The following CTNNA3 variants were observed in gnomAD, a reference collection of about 807,000 sequenced individuals.
CTNNA3 encodes catenin alpha-3.
CTNNA3 carries 76 observed loss-of-function variants against 95.7 expected under a neutral mutation model. The ratio of observed to expected loss-of-function variants is 0.79; its 90% confidence interval spans 0.66 to 0.96. The LOEUF is 0.96. Ranked by LOEUF, CTNNA3 falls within the 40% of genes least tolerant of loss-of-function variation. CTNNA3 has a pLI of 0.00. For synonymous variants in CTNNA3, 431 were observed against 374.4 expected, an observed-to-expected ratio of 1.15 and a Z score of -1.74; for missense variants, 1,191 against 1,089.8, an observed-to-expected ratio of 1.09 and a Z score of -1.31.
chr10:66,353,396 T>C (rs1335906282), intron 12 of CTNNA3, among the ~76,000 whole-genome samples: 1 of 152,134 alleles, frequency 6.6e-6, no homozygotes, highest in Non-Finnish European at 1.5e-5. Context: ...TTGTACATCT[T>C]TCTTAGCCTG....
chr10:66,308,615 T>C (rs2091962667), intron 12 of CTNNA3, among the ~76,000 whole-genome samples: 1 of 152,170 alleles, frequency 6.6e-6, no homozygotes, highest in Non-Finnish European at 1.5e-5. Flanking sequence ...TGGCTTCCAG[T>C]AGTACAAAAT....
chr10:67,037,255 T>C (rs2133131090), intron 7 of CTNNA3, among the ~76,000 whole-genome samples: 1 of 152,282 alleles, frequency 6.6e-6, no homozygotes, highest in South Asian at 2.1e-4. Flanking sequence ...AATGTTACTT[T>C]AGAGATATTT....
chr10:66,957,442 GCA>G (rs1848876831), intron 7 of CTNNA3, among the ~76,000 whole-genome samples: 4 of 106,306 alleles, frequency 3.8e-5, no homozygotes, highest in Non-Finnish European at 6.0e-5. Flanking sequence ...ATATATATAT[GCA>G]TATATATATA....
chr10:66,979,997 G>C (rs1850316706), intron 7 of CTNNA3, among the ~76,000 whole-genome samples: 1 of 152,180 alleles, frequency 6.6e-6, no homozygotes, highest in African/African-American at 2.4e-5. Flanking sequence ...CAAAAGAAGA[G>C]GAAGGAAAAC....
At chr10:67,173,597 C>A (rs1282930733) in intron 7 of CTNNA3, among the ~76,000 whole-genome samples, 1 of 152,178 alleles carries the variant, frequency 6.6e-6, no homozygotes, top group Non-Finnish European at 1.5e-5. Flanking sequence ...ACAACAATCA[C>A]TCTTCATTCT....
At chr10:66,648,780 A>C (rs952541123) in intron 9 of CTNNA3, among the ~76,000 whole-genome samples, 2 of 152,190 alleles carry the variant, frequency 1.3e-5, no homozygotes, top group Admixed American at 1.3e-4. Context: ...AGATGAGGAC[A>C]GAAGTTCTCC....
At chr10:67,399,092 G>T (rs1411366267) in intron 5 of CTNNA3, among the ~76,000 whole-genome samples, 1 of 152,086 alleles carries the variant, frequency 6.6e-6, no homozygotes, top group Admixed American at 6.6e-5. Flanking sequence ...AGGATGAGGA[G>T]GAGGAGAAAG....
At chr10:65,994,297 A>G (rs1166006901) in intron 15 of CTNNA3, among the ~76,000 whole-genome samples, 2 of 152,140 alleles carry the variant, frequency 1.3e-5, no homozygotes, top group Non-Finnish European at 2.9e-5. Context: ...AGATATAAGA[A>G]CCCTTTAAAG....
chr10:67,134,817 G>A (rs189681071), intron 7 of CTNNA3, among the ~76,000 whole-genome samples: 5 of 152,144 alleles, frequency 3.3e-5, no homozygotes, highest in Admixed American at 3.3e-4. Context: ...TTCAGGATAT[G>A]GGATATCCAG....
intron 13 of CTNNA3, among the ~76,000 whole-genome samples, chr10:66,249,045 T>C (rs2132063044): frequency 6.6e-6 from 1 of 152,204 alleles, no homozygotes; most frequent in South Asian, 2.1e-4. Context: ...GAATATACAC[T>C]GGGGAAAAGA....
chr10:67,280,839 C>T (rs1031806999), intron 5 of CTNNA3, among the ~76,000 whole-genome samples: 1 of 152,150 alleles, frequency 6.6e-6, no homozygotes, highest in Admixed American at 6.6e-5. Flanking sequence ...GGTATATAAG[C>T]TTCAACTGTC....
intron 1 of CTNNA3, among the ~76,000 whole-genome samples, chr10:67,680,116 TA>T (rs773989853): frequency 4.6e-4 from 70 of 152,170 alleles, no homozygotes; most frequent in Non-Finnish European, 2.9e-5. Flanking sequence ...TAAAAATATT[TA>T]ACAACCAGCA....
At chr10:66,030,408 T>A (rs2079427146) in intron 15 of CTNNA3, among the ~76,000 whole-genome samples, 1 of 152,012 alleles carries the variant, frequency 6.6e-6, no homozygotes. Flanking sequence ...AAGGTGAGCA[T>A]CTACAACCAT....
intron 6 of CTNNA3, among the ~76,000 whole-genome samples, chr10:67,206,951 T>G (rs1863929029): frequency 6.6e-6 from 1 of 151,970 alleles, no homozygotes; most frequent in Non-Finnish European, 1.5e-5. Flanking sequence ...GCCAACATGG[T>G]GAAACCCCGT....
intron 11 of CTNNA3, among the ~76,000 whole-genome samples, chr10:66,496,446 T>C (rs1317867076): frequency 6.6e-6 from 1 of 152,070 alleles, no homozygotes; most frequent in East Asian, 1.9e-4. Flanking sequence ...GAAGAAAAAA[T>C]ATAGAAATAT....
rs193208641 is a variant in CTNNA3, at chr10:66,199,646, G to A, written c.1884+80824C>T. Among the ~76,000 whole-genome samples the A allele has an allele frequency of 8.4e-4, 125 of 149,428 alleles. 2 individuals are homozygous for A. Among genetic ancestry groups the A allele is most frequent in the African/African-American group, 2.8e-3 (115 of 40,508 alleles). On this transcript the variant is annotated intron_variant, in intron 13 of 17. Transcript: ENST00000433211. ...AGGCGAAGTCTTGCTCTGCCGTCCC[G>A]GCTGGAGTGCAATGGGGTGATCTCG...
At chr10:67,230,132 CA>C (rs1173834336) in intron 5 of CTNNA3, among the ~76,000 whole-genome samples, 1 of 152,072 alleles carries the variant, frequency 6.6e-6, no homozygotes, top group Non-Finnish European at 1.5e-5. Flanking sequence ...GCACATAGAC[CA>C]ATGGAACAGA....
chr10:66,659,432 C>T (rs897640077), intron 9 of CTNNA3, among the ~76,000 whole-genome samples: 6 of 152,102 alleles, frequency 3.9e-5, no homozygotes, highest in African/African-American at 1.2e-4. Flanking sequence ...AGTTTTGTAA[C>T]TGAGATCTTT....
At chr10:66,946,167 G>A (rs915708705) in intron 7 of CTNNA3, among the ~76,000 whole-genome samples, 15 of 152,074 alleles carry the variant, frequency 9.9e-5, no homozygotes, top group Non-Finnish European at 8.8e-5. Context: ...GCAATAAAAT[G>A]CAGTACAATA....
Sources: allele counts gnomAD v4.1 joint callset (sites outside exome capture counted in the v4.1 genomes callset), GRCh38; gene constraint gnomAD v4.1.1; transcripts MANE v1.5; gene names NCBI Gene and HGNC (gene_info 2026-07-23, HGNC 2026-07-21).